The following DDX54 variants were observed in gnomAD, a reference collection of about 807,000 sequenced individuals.
DDX54 encodes the protein ATP-dependent RNA helicase DDX54.
Under a neutral mutation model 105.5 loss-of-function variants are expected in DDX54, and 67 were observed. The ratio of observed to expected loss-of-function variants is 0.64; its 90% CI spans 0.52 to 0.78. The LOEUF is 0.78. DDX54 is among the 30% of genes least tolerant of loss of function. DDX54 has a pLI of 0.00. For missense variants in DDX54, 1,206 were observed against 1,230.5 expected, an observed-to-expected ratio of 0.98 and a Z score of 0.30; for synonymous variants, 514 against 509.9, an observed-to-expected ratio of 1.01 and a Z score of -0.11.
rs1952152221 is a variant in DDX54 at position 113,157,859 on chromosome 12, G to C, written c.*1018C>G. 1 of 615,266 alleles carries C rather than the reference G, an allele frequency of 1.6e-6. No individual in the cohort carries two copies. The highest frequency in any genetic ancestry group is 1.8e-5 in the African/African-American group (1 of 54,676). The allele number at this position is 615,266 out of a possible 1,614,324, so 38.1% of individuals were successfully genotyped here. On this transcript the variant is annotated 3_prime_UTR_variant, in exon 20 of 20. Transcript: ENST00000306014. ...GCCTGCCATGAGGGGCACATAGCAA[G>C]CACTCCATAAATGCAGGCCCTGATG...
intron 11 of DDX54, among the ~76,000 whole-genome samples, chr12:113,170,719 G>A (rs759735099): frequency 1.8e-4 from 27 of 152,126 alleles, no homozygotes; most frequent in Non-Finnish European, 2.6e-4. Context: ...AAATGAATAG[G>A]CAGCAGTCAC....
In DDX54 at chr12:113,179,242, G is replaced by A. The variant is rs753750807; in HGVS notation, c.465C>T (p.Phe155=). ...GGGCACTGTGGGTCTTGAGCCGCTCGAACATTGGGAGGAGGAAGCAGGCTG... is the reference window on the plus strand; with the variant it reads ...GGGCACTGTGGGTCTTGAGCCGCTCAAACATTGGGAGGAGGAAGCAGGCTG... The part of the protein sequence containing the change: ...GKTACFLLPM[F]ERLKTHSAQT... The change falls in exon 4 of 20, where the codon TTC becomes TTT. Residue 155 remains phenylalanine (F), a synonymous_variant. Coordinates refer to ENST00000306014, the MANE Select transcript of DDX54 (RefSeq NM_024072.4). The A allele has an allele frequency of 1.9e-5, 30 of 1,613,974 alleles. No homozygotes were observed. Among genetic ancestry groups the A allele is most frequent in the Admixed American group, 5.0e-5 (3 of 59,998 alleles).
chr12:113,178,958 T>A lies in DDX54; in HGVS notation c.614+19A>T. On this transcript the variant is annotated intron_variant, in intron 5 of 19. Coordinates refer to ENST00000306014, the MANE Select transcript of DDX54 (RefSeq NM_024072.4). The stretch of plus-strand genomic sequence containing the variant: ...TGCCTGCATGGTGGTGACCCTGGCA[T>A]GGGGTGCAGGGACCTTACCTGTCTC... 3 of 1,613,766 alleles carry A rather than the reference T, an allele frequency of 1.9e-6. No individual in the cohort carries two copies.
chr12:113,179,088 G>C, intron 4 of DDX54, 55 bp downstream of exon 4: 1 of 1,613,282 alleles, frequency 6.2e-7, no homozygotes, highest in Non-Finnish European at 8.5e-7. Flanking sequence ...CGTGGCCTCT[G>C]TGTCCGGTCC....
chr12:113,177,303 A>G, intron 5 of DDX54: 1 of 581,700 alleles, frequency 1.7e-6, no homozygotes. Flanking sequence ...TGGTAACAAC[A>G]GAGTTCCTCT....
At chr12:113,169,941 G>C (rs753343796) in intron 11 of DDX54, 37 bp from the exon 12 acceptor site, 4 of 1,611,004 alleles carry the variant, frequency 2.5e-6, no homozygotes, top group African/African-American at 2.7e-5. Flanking sequence ...ATTAAGCAAA[G>C]AAGGACCCGG....
Position 113,174,769 on chromosome 12 carries a change from G to A in DDX54, c.939C>T (p.Thr313=), listed in dbSNP as rs12811662. The A allele has an allele frequency of 0.014, 21,788 of 1,613,416 alleles. 182 individuals are homozygous for A. Among genetic ancestry groups the A allele is most frequent in the Non-Finnish European group, 0.015 (17,935 of 1,179,374 alleles). Residue 313 remains threonine, a splice_region_variant and synonymous_variant, in exon 10 of 20, where the codon ACC becomes ACT. Coordinates refer to ENST00000306014, the MANE Select transcript of DDX54 (RefSeq NM_024072.4). ...TGTCCTCCCGCACGAGGAAGAAGGA[G>A]GTCTGTGGGGAGAGGGCATCACGTG... ...VDTKLNEQLK[T]SFFLVREDTK... is the part of the protein sequence containing the mutation.
rs146114970 is a variant in DDX54 at position 113,161,941 on chromosome 12, ATCT to A, written c.2249_2251del (p.Lys750del). Reference sequence around the variant, plus strand: ...GATGTAGCGGCCGCTCTCTGTCTTAATCTTCTTCTTGTCTTCCTGTCCTGACTG... The same window carrying A: ...GATGTAGCGGCCGCTCTCTGTCTTAATCTTCTTGTCTTCCTGTCCTGACTG... On this transcript the variant is annotated inframe_deletion, in exon 18 of 20. Transcript: ENST00000306014. 2.2e-5 allele frequency: 35 copies of A among 1,612,694 alleles called. No homozygotes were observed. Among genetic ancestry groups the A allele is most frequent in the African/African-American group, 1.5e-4 (11 of 74,754 alleles).
At position 113,175,155 on chromosome 12, in the gene DDX54, A is replaced by C. The variant is rs1473733275; in HGVS notation, c.755T>G (p.Leu252Arg). ...CTGCTCTGCGAAACCCATTTCAAAA[A>C]GCCTGGAAGGGTAGAGGGCAGGACT... is the stretch of plus-strand genomic sequence containing the variant. ...EYVVFDEADR[L>R]FEMGFAEQLQ... is the part of the protein sequence containing the mutation. The change falls in exon 8 of 20, where the codon CTT (leucine) becomes CGT (arginine). Residue 252 changes from leucine (L) to arginine (R), a missense_variant and splice_region_variant. By Grantham distance (102) the Leu-to-Arg change is moderately radical (BLOSUM62 -2). Transcript: ENST00000306014. 6.2e-7 allele frequency: 1 copy of C among 1,607,510 alleles called. No individual in the cohort carries two copies. The highest frequency in any genetic ancestry group is 2.2e-5 in the East Asian group (1 of 44,848).
chr12:113,163,980 G>T lies in DDX54; in HGVS notation c.1938+87C>A, dbSNP rs898663862. 15 of 1,451,128 alleles carry T rather than the reference G, an allele frequency of 1.0e-5. No individual in the cohort carries two copies. Among genetic ancestry groups the T allele is most frequent in the Non-Finnish European group, 1.3e-5 (14 of 1,100,238 alleles). 89.9% of individuals were successfully genotyped at this position (1,451,128 alleles called of 1,614,324 possible). On this transcript the variant is annotated intron_variant, in intron 15 of 19. Coordinates refer to ENST00000306014, the MANE Select transcript of DDX54 (RefSeq NM_024072.4). This position sits in a 1 kb window ranked among gnomAD's most constrained non-coding sequence, Gnocchi z 5.9. The stretch of plus-strand genomic sequence containing the variant: ...CATCCACCTCCATCCACTGCTCAAA[G>T]ATCCTAGGACAGCCTCATGGGCTGC...
rs1348504753 is a variant in DDX54, at chr12:113,165,926, G to A, written c.1521C>T (p.Gly507=). Residue 507 remains glycine, a synonymous_variant, in exon 13 of 20, where the codon GGC becomes GGT. Coordinates refer to ENST00000306014, the MANE Select transcript of DDX54 (RefSeq NM_024072.4). ...GGGCGTTATCAGCAACGCGGGCCAG[G>A]CCCCGTAGCTCCAGCGATGCCTCCA... ...STLEASLELR[G]LARVADNAQQ... 6.2e-7 allele frequency: 1 copy of A among 1,613,636 alleles called. No homozygotes were observed. The highest frequency in any genetic ancestry group is 8.5e-7 in the Non-Finnish European group (1 of 1,180,052).
rs371716079 is a variant in DDX54 at position 113,158,899 on chromosome 12, C to T, written c.2624G>A (p.Gly875Asp). Residue 875 changes from glycine to aspartate, a missense_variant, in exon 20 of 20, where the codon GGC becomes GAC. This residue lies in a region of DDX54 where 961 missense variants were observed against 1,019.1 expected (regional missense o/e 0.94). Transcript: ENST00000306014. The surrounding 1 kb of genome is among the most constrained non-coding windows in gnomAD (Gnocchi z 4.9). ...TCCTCACATCCTCTTCCGCATCTTGCCCTTCTTGGAGCGGGCACCCCGGCC... is the reference window on the plus strand; with the variant it reads ...TCCTCACATCCTCTTCCGCATCTTGTCCTTCTTGGAGCGGGCACCCCGGCC... ...AFGRGARSKK[G>D]KMRKRM 272 of 1,605,854 alleles carry T rather than the reference C, an allele frequency of 1.7e-4. 1 individual carries two copies. Among genetic ancestry groups the T allele is most frequent in the Non-Finnish European group, 2.2e-4 (264 of 1,174,136 alleles).
intron 7 of DDX54, 27 bp from the exon 8 acceptor site, chr12:113,175,184 T>C (rs1294857750): frequency 1.3e-6 from 2 of 1,572,162 alleles, no homozygotes; most frequent in Non-Finnish European, 1.7e-6. Context: ...CAGGACTGGG[T>C]CAGAGGGGGC....
At chr12:113,166,943 G>C (rs781513457) in intron 12 of DDX54, among the ~76,000 whole-genome samples, 4 of 152,202 alleles carry the variant, frequency 2.6e-5, no homozygotes, top group African/African-American at 9.6e-5. Context: ...GTTAAGAGCA[G>C]AGGATGCCGG....
At chr12:113,177,948 A>G (rs1401668680) in intron 5 of DDX54, among the ~76,000 whole-genome samples, 1 of 152,226 alleles carries the variant, frequency 6.6e-6, no homozygotes. Flanking sequence ...GCTTTCTAAC[A>G]GCCCACAGCC....
chr12:113,180,638 C>T (rs1422166113), intron 2 of DDX54, among the ~76,000 whole-genome samples: 2 of 150,934 alleles, frequency 1.3e-5, no homozygotes, highest in African/African-American at 2.4e-5. Flanking sequence ...CCCACCCATT[C>T]CATCCTTTCC....
rs564380412 is a variant in DDX54 at position 113,158,708 on chromosome 12, C to G, written c.*169G>C. The G allele has an allele frequency of 1.4e-6, 1 of 733,072 alleles. No homozygotes were observed. The highest frequency in any genetic ancestry group is 1.8e-5 in the African/African-American group (1 of 56,322). 45.4% of individuals were successfully genotyped at this position (733,072 alleles called of 1,614,324 possible). ...CAAATGTCTCTGTCTTAGGCTGACGCAGCTGCTGCCCTTCTGTGGCCATAC... is the reference window on the plus strand; with the variant it reads ...CAAATGTCTCTGTCTTAGGCTGACGGAGCTGCTGCCCTTCTGTGGCCATAC... On this transcript the variant is annotated 3_prime_UTR_variant, in exon 20 of 20. Coordinates refer to ENST00000306014, the MANE Select transcript of DDX54 (RefSeq NM_024072.4). The surrounding 1 kb of genome is among the most constrained non-coding windows in gnomAD (Gnocchi z 4.9).
Position 113,177,091 on chromosome 12 carries a change from A to G in DDX54, c.617T>C (p.Met206Thr). The G allele has an allele frequency of 6.2e-7, 1 of 1,614,040 alleles. No homozygotes were observed. Among genetic ancestry groups the G allele is most frequent in the Non-Finnish European group, 8.5e-7 (1 of 1,179,984 alleles). Residue 206 changes from methionine (M) to threonine (T), a missense_variant and splice_region_variant, in exon 6 of 20, where the codon ATG (methionine) becomes ACG (threonine). Transcript: ENST00000306014. ...KTALILGGDR[M>T]EDQFAALHEN... ...GTGCAGGGCTGCAAACTGGTCTTCC[A>G]TCCTAGAGAGGAGAGAAGGGGTTAG...
chr12:113,165,775 C>T, intron 13 of DDX54, 27 bp downstream of exon 13: 1 of 1,600,806 alleles, frequency 6.2e-7, no homozygotes, highest in South Asian at 1.1e-5. Flanking sequence ...GCCCACCTGC[C>T]ACCCCCTGCC....
Sources: allele counts gnomAD v4.1 joint callset (sites outside exome capture counted in the v4.1 genomes callset), GRCh38; gene constraint gnomAD v4.1.1; regional missense constraint gnomAD v4.1.1; non-coding constraint Gnocchi (gnomAD v3.1); transcripts MANE v1.5; gene names NCBI Gene and HGNC (gene_info 2026-07-23, HGNC 2026-07-21).